The following PRCD variants were observed in gnomAD, a reference collection of about 807,000 sequenced individuals.
The protein encoded by PRCD is photoreceptor disk component PRCD.
PRCD carries 12 observed loss-of-function variants against 10.1 expected under a neutral mutation model. The ratio of observed to expected loss-of-function variants is 1.18; its 90% CI spans 0.76 to 1.92. PRCD has a LOEUF of 1.92. Ranked by LOEUF, PRCD falls within the 40% of genes most tolerant of loss-of-function variation. The probability of loss-of-function intolerance (pLI) is 0.00; values close to 1 mark genes in which losing one functional copy is unlikely to be tolerated. For missense variants in PRCD, 61 were observed against 72.2 expected, an observed-to-expected ratio of 0.84 and a Z score of 0.56; for synonymous variants, 31 against 26.2, an observed-to-expected ratio of 1.18 and a Z score of -0.56.
chr17:76,546,471 T>TGTGTGTGTGTGC (rs753998867), downstream of PRCD: 1 of 151,082 alleles, frequency 6.6e-6, no homozygotes, highest in African/African-American at 2.5e-5. The surrounding 1 kb of genome is among the most constrained non-coding windows in gnomAD (Gnocchi z 4.5). Flanking sequence ...TGTGTGTGTG[T>TGTGTGTGTGTGC]GCGCGCAGTC....
At chr17:76,536,283 C>T (rs992966531), upstream of PRCD, among the ~76,000 whole-genome samples, 2 of 152,134 alleles carry the variant, frequency 1.3e-5, no homozygotes, top group Non-Finnish European at 2.9e-5. Flanking sequence ...GGGTCGGTCC[C>T]AGGCTTGGGA....
rs1166392914 is a variant in PRCD at position 76,540,486 on chromosome 17, C to G, written c.75-19C>G. 1.2e-6 allele frequency: 2 copies of G among 1,613,248 alleles called. No homozygotes were observed. Among genetic ancestry groups the G allele is most frequent in the Admixed American group, 3.3e-5 (2 of 60,026 alleles). Reference sequence around the variant, plus strand: ...TGGGCACAGCCATAGCTCTTCCTCCCTACTCTTGCCTCCCACAGAGAGCCC... The same window carrying G: ...TGGGCACAGCCATAGCTCTTCCTCCGTACTCTTGCCTCCCACAGAGAGCCC... On this transcript the variant is annotated intron_variant, in intron 1 of 4. Transcript: ENST00000592014. The surrounding 1 kb of genome is among the most constrained non-coding windows in gnomAD (Gnocchi z 5.0).
At chr17:76,538,340 C>A (rs2074947271), upstream of PRCD, 1 of 335,516 alleles carries the variant, frequency 3.0e-6, no homozygotes, top group Admixed American at 3.7e-5. Flanking sequence ...CGGGGGTCGT[C>A]CCCCTGCCCG....
At position 76,531,736 on chromosome 17, in the gene PRCD, C is replaced by T. The variant is rs772225493; in HGVS notation, n.45+3903C>T. ...TGGTCGCTGAAGCTGGAGGCTGCCT[C>T]GGGCCCACCCTGAAGCTTCCAGGAT... On this transcript the variant is annotated intron_variant and non_coding_transcript_variant, in intron 1 of 4. Transcript: ENST00000397633. This position sits in a 1 kb window ranked among gnomAD's most constrained non-coding sequence, Gnocchi z 7.4. 92 of 1,518,310 alleles carry T rather than the reference C, an allele frequency of 6.1e-5. No individual in the cohort carries two copies. The highest frequency in any genetic ancestry group is 8.0e-5 in the Non-Finnish European group (89 of 1,113,944). 94.1% of individuals were successfully genotyped at this position (1,518,310 alleles called of 1,614,324 possible). A position where few individuals can be genotyped will look rare whatever the true frequency, so the allele number is the denominator to read the frequency against.
Position 76,531,736 on chromosome 17 carries a change from CG to C in PRCD, n.45+3906del. Reference sequence around the variant, plus strand: ...TGGTCGCTGAAGCTGGAGGCTGCCTCGGGCCCACCCTGAAGCTTCCAGGATA... The same window carrying C: ...TGGTCGCTGAAGCTGGAGGCTGCCTCGGCCCACCCTGAAGCTTCCAGGATA... On this transcript the variant is annotated intron_variant and non_coding_transcript_variant, in intron 1 of 4. Transcript: ENST00000397633. This position sits in a 1 kb window ranked among gnomAD's most constrained non-coding sequence, Gnocchi z 7.4. The C allele has an allele frequency of 3.3e-6, 5 of 1,518,430 alleles. No individual in the cohort carries two copies. Among genetic ancestry groups the C allele is most frequent in the Non-Finnish European group, 4.5e-6 (5 of 1,113,936 alleles). 94.1% of individuals were successfully genotyped at this position (1,518,430 alleles called of 1,614,324 possible).
chr17:76,534,111 CTTCT>C (rs916583718), intron 1 of PRCD, among the ~76,000 whole-genome samples: 244 of 144,712 alleles, frequency 1.7e-3, no homozygotes, highest in Admixed American at 2.4e-3. Context: ...TTCTTTCTTT[CTTCT>C]TTCTTTCTTT....
At chr17:76,527,691 C>G, upstream of PRCD, 1 of 453,992 alleles carries the variant, frequency 2.2e-6, no homozygotes, top group Non-Finnish European at 4.4e-6. Flanking sequence ...GACCTGCTGC[C>G]CAGCAGCCCG....
At chr17:76,551,725 T>G (rs1243127045) in intron 1 of PRCD, 1 of 152,182 alleles carries the variant, frequency 6.6e-6, no homozygotes, top group Non-Finnish European at 1.5e-5. Flanking sequence ...GGTGGGTGAA[T>G]TAAAGTCTCT....
At chr17:76,536,864 G>C (rs62086575), upstream of PRCD, among the ~76,000 whole-genome samples, 1 of 152,082 alleles carries the variant, frequency 6.6e-6, no homozygotes, top group African/African-American at 2.4e-5. Flanking sequence ...CAGCGGGAAG[G>C]GGGCAGCTGG....
rs747193845 is a variant in PRCD, at chr17:76,545,046, C to T, written c.*1396C>T. 8.9e-5 allele frequency: 39 copies of T among 436,616 alleles called. No individual in the cohort carries two copies. The highest frequency in any genetic ancestry group is 1.6e-4 in the Non-Finnish European group (35 of 216,564). 27.0% of individuals were successfully genotyped at this position (436,616 alleles called of 1,614,324 possible). A position where few individuals can be genotyped will look rare whatever the true frequency, so the allele number is the denominator to read the frequency against. On this transcript the variant is annotated 3_prime_UTR_variant, in exon 5 of 5. Coordinates refer to ENST00000592014, the MANE Select transcript of PRCD (RefSeq NM_001077620.3). Reference sequence around the variant, plus strand: ...GAGGTTGCCTGGGCAGCTGGGGTGCCATGTGGGCCGGGTGGGGGGGCTGTC... The same window carrying T: ...GAGGTTGCCTGGGCAGCTGGGGTGCTATGTGGGCCGGGTGGGGGGGCTGTC...
Position 76,531,418 on chromosome 17 carries a change from C to T in PRCD, n.45+3585C>T, listed in dbSNP as rs776996739. On this transcript the variant is annotated intron_variant and non_coding_transcript_variant, in intron 1 of 4. Transcript: ENST00000397633. The surrounding 1 kb of genome is among the most constrained non-coding windows in gnomAD (Gnocchi z 7.4). ...GCCTGCGAGCTGCAGATGGCCATGACGCGTGGGCGGTGGGGGCTCTGCAGC... is the reference window on the plus strand; with the variant it reads ...GCCTGCGAGCTGCAGATGGCCATGATGCGTGGGCGGTGGGGGCTCTGCAGC... 21 of 1,582,702 alleles carry T rather than the reference C, an allele frequency of 1.3e-5. No homozygotes were observed. The highest frequency in any genetic ancestry group is 6.8e-5 in the East Asian group (3 of 44,224).
At position 76,545,198 on chromosome 17, in the gene PRCD, C is replaced by T; in HGVS notation, c.*1548C>T. 2.2e-6 allele frequency: 1 copy of T among 456,806 alleles called. No individual in the cohort carries two copies. Among genetic ancestry groups the T allele is most frequent in the South Asian group, 1.5e-5 (1 of 64,568 alleles). The allele number at this position is 456,806 out of a possible 1,614,324, so 28.3% of individuals were successfully genotyped here. On this transcript the variant is annotated 3_prime_UTR_variant, in exon 5 of 5. Transcript: ENST00000592014. ...CCCTGGGCTCTCTGCGCAGTCTGCA[C>T]ATTTGCAGCTCCTGCTGCAGAAAGT...
At position 76,540,125 on chromosome 17, in the gene PRCD, G is replaced by A. The variant is rs2143139148; in HGVS notation, c.-17G>A. On this transcript the variant is annotated 5_prime_UTR_variant, in exon 1 of 5. Coordinates refer to ENST00000592014, the MANE Select transcript of PRCD (RefSeq NM_001077620.3). The surrounding 1 kb of genome is among the most constrained non-coding windows in gnomAD (Gnocchi z 5.0). ...CTTCTGCAGACTTGGCCTGGGAGGG[G>A]ATGGGGCAGCTGCGCCATGTGCACC... The A allele has an allele frequency of 6.3e-7, 1 of 1,595,622 alleles. No homozygotes were observed. Among genetic ancestry groups the A allele is most frequent in the Non-Finnish European group, 8.5e-7 (1 of 1,171,540 alleles).
intron 1 of PRCD, chr17:76,553,026 G>A (rs2075126294): frequency 1.3e-5 from 2 of 151,552 alleles, no homozygotes; most frequent in South Asian, 4.2e-4. Context: ...TGAAGTTCAG[G>A]GGTGTTGGGA....
At chr17:76,543,413 A>T in intron 4 of PRCD, 3 of 336,954 alleles carry the variant, frequency 8.9e-6, no homozygotes, top group South Asian at 7.1e-5. Context: ...GAAGCAAGGG[A>T]CGGCTGATAG....
downstream of PRCD, among the ~76,000 whole-genome samples, chr17:76,548,261 G>A (rs1021237924): frequency 3.9e-5 from 6 of 151,900 alleles, no homozygotes; most frequent in Non-Finnish European, 8.8e-5. Flanking sequence ...CACACACACA[G>A]ATACACATAA....
At chr17:76,535,255 G>A (rs1197098474), upstream of PRCD, among the ~76,000 whole-genome samples, 1 of 152,198 alleles carries the variant, frequency 6.6e-6, no homozygotes, top group Non-Finnish European at 1.5e-5. Flanking sequence ...TGAGGGTGCT[G>A]GCCTGGCGCA....
upstream of PRCD, among the ~76,000 whole-genome samples, chr17:76,539,507 C>A (rs2074961396): frequency 6.6e-6 from 1 of 152,130 alleles, no homozygotes; most frequent in African/African-American, 2.4e-5. Flanking sequence ...AACTGCCAGC[C>A]CTTCACTGTT....
Position 76,528,927 on chromosome 17 carries a change from C to T in PRCD, n.45+1094C>T. The T allele has an allele frequency of 1.7e-6, 2 of 1,154,030 alleles. No homozygotes were observed. Among genetic ancestry groups the T allele is most frequent in the South Asian group, 8.8e-5 (2 of 22,782 alleles). The allele number at this position is 1,154,030 out of a possible 1,614,324, so 71.5% of individuals were successfully genotyped here. A position where few individuals can be genotyped will look rare whatever the true frequency, so the allele number is the denominator to read the frequency against. On this transcript the variant is annotated intron_variant and non_coding_transcript_variant, in intron 1 of 4. Coordinates refer to the PRCD transcript ENST00000397633. The surrounding 1 kb of genome is among the most constrained non-coding windows in gnomAD (Gnocchi z 5.8). ...GCAAAGCACGATACCAATGTGAGCTCTTTTTCCATTAATTCTGAAACGTGG... is the reference window on the plus strand; with the variant it reads ...GCAAAGCACGATACCAATGTGAGCTTTTTTTCCATTAATTCTGAAACGTGG...
Sources: gnomAD v4.1 joint callset for allele counts (sites outside exome capture counted in the v4.1 genomes callset) on GRCh38, gnomAD v4.1.1 for gene constraint, Gnocchi (gnomAD v3.1) non-coding constraint, MANE v1.5 for transcripts, NCBI Gene and HGNC (gene_info 2026-07-23, HGNC 2026-07-21) for gene names.